The following HS3ST5 variants were observed in gnomAD, a reference collection of about 807,000 sequenced individuals.
HS3ST5 encodes heparan sulfate-glucosamine 3-sulfotransferase 5.
HS3ST5 carries 10 observed loss-of-function variants against 25.4 expected under a neutral mutation model. That is an observed-to-expected ratio of 0.39 (90% CI 0.24 to 0.67). The LOEUF is 0.67. Among genes scored for constraint, HS3ST5 ranks in the 30% least tolerant of loss-of-function variants. HS3ST5 has a pLI of 0.44. For missense variants in HS3ST5, 324 were observed against 420.7 expected, an observed-to-expected ratio of 0.77 and a Z score of 2.01; for synonymous variants, 170 against 162.4, an observed-to-expected ratio of 1.05 and a Z score of -0.36.
chr6:114,249,265 T>C (rs962507260), intron 1 of HS3ST5, among the ~76,000 whole-genome samples: 10 of 152,246 alleles, frequency 6.6e-5, no homozygotes, highest in Non-Finnish European at 7.3e-5. Flanking sequence ...ATTAATCTTT[T>C]AGGCCCTTAC....
intron 1 of HS3ST5, among the ~76,000 whole-genome samples, chr6:114,311,891 A>G (rs1004740681): frequency 6.6e-5 from 10 of 152,182 alleles, no homozygotes; most frequent in Non-Finnish European, 2.9e-5. Context: ...GCATAATTTC[A>G]TAATTTACTA....
intron 1 of HS3ST5, 76 bp downstream of exon 1, chr6:114,342,119 C>T (rs568780155): frequency 6.6e-6 from 1 of 152,444 alleles, no homozygotes; most frequent in African/African-American, 2.4e-5. Context: ...GGCGATTTGC[C>T]CCTTCTCATT....
chr6:114,164,763 C>G (rs1261269003), intron 3 of HS3ST5, among the ~76,000 whole-genome samples: 1 of 152,112 alleles, frequency 6.6e-6, no homozygotes, highest in Non-Finnish European at 1.5e-5. Context: ...AATAAATATA[C>G]TATGTCACAT....
intron 2 of HS3ST5, chr6:114,179,245 C>G (rs1779854808): frequency 6.6e-6 from 1 of 152,188 alleles, no homozygotes. Context: ...AGTAAGCAAG[C>G]AATAATTATT....
At chr6:114,277,235 T>C (rs1354710487) in intron 1 of HS3ST5, among the ~76,000 whole-genome samples, 2 of 151,720 alleles carry the variant, frequency 1.3e-5, no homozygotes, top group Non-Finnish European at 2.9e-5. Flanking sequence ...TAATTCTTGA[T>C]TTAATTCTTG....
At chr6:114,290,166 G>T (rs1008673862) in intron 1 of HS3ST5, among the ~76,000 whole-genome samples, 1 of 152,064 alleles carries the variant, frequency 6.6e-6, no homozygotes, top group African/African-American at 2.4e-5. Context: ...GGTTGTTGTT[G>T]TTTCTATTGT....
chr6:114,323,201 G>A (rs941202712), intron 1 of HS3ST5, among the ~76,000 whole-genome samples: 1 of 152,116 alleles, frequency 6.6e-6, no homozygotes, highest in African/African-American at 2.4e-5. Context: ...AGAATGAAGG[G>A]AGACTCTTTT....
intron 4 of HS3ST5, among the ~76,000 whole-genome samples, chr6:114,061,172 G>A (rs1466380244): frequency 1.3e-5 from 2 of 152,190 alleles, no homozygotes; most frequent in African/African-American, 4.8e-5. Flanking sequence ...TAATGCATTA[G>A]TGATCATTAG....
chr6:114,194,097 T>C (rs1233636786), intron 2 of HS3ST5, among the ~76,000 whole-genome samples: 3 of 151,920 alleles, frequency 2.0e-5, no homozygotes, highest in African/African-American at 4.9e-5. Flanking sequence ...GAGAAGAGAA[T>C]CATATTGAAA....
chr6:114,209,924 T>G (rs1186076217), intron 2 of HS3ST5, among the ~76,000 whole-genome samples: 2 of 152,182 alleles, frequency 1.3e-5, no homozygotes, highest in Admixed American at 1.3e-4. Context: ...TAGCATAAGG[T>G]GAACTTTCAA....
chr6:114,116,915 C>T (rs1163255867), intron 3 of HS3ST5, among the ~76,000 whole-genome samples: 1 of 152,026 alleles, frequency 6.6e-6, no homozygotes, highest in African/African-American at 2.4e-5. Context: ...ATCCATTAGA[C>T]TAACGCTTCT....
chr6:114,197,135 T>C (rs1213615374), intron 2 of HS3ST5, among the ~76,000 whole-genome samples: 1 of 151,552 alleles, frequency 6.6e-6, no homozygotes, highest in Admixed American at 6.6e-5. Flanking sequence ...TTTCTTTTTT[T>C]TTTTTTGTTG....
At chr6:114,061,934 G>A (rs1049032105) in intron 4 of HS3ST5, among the ~76,000 whole-genome samples, 2 of 152,014 alleles carry the variant, frequency 1.3e-5, no homozygotes, top group African/African-American at 2.4e-5. Context: ...GGCAATGAGC[G>A]AAACTCCATC....
intron 1 of HS3ST5, among the ~76,000 whole-genome samples, chr6:114,313,691 G>A (rs1775631363): frequency 6.6e-6 from 1 of 152,158 alleles, no homozygotes; most frequent in Non-Finnish European, 1.5e-5. Context: ...AGAACTTTCT[G>A]GAGAGATGGA....
intron 3 of HS3ST5, among the ~76,000 whole-genome samples, chr6:114,083,280 T>C (rs1774569829): frequency 6.6e-6 from 1 of 152,140 alleles, no homozygotes; most frequent in South Asian, 2.1e-4. Flanking sequence ...TTGGCACTTA[T>C]ATGGAGAAGA....
intron 1 of HS3ST5, among the ~76,000 whole-genome samples, chr6:114,323,780 G>T (rs1582816271): frequency 6.6e-6 from 1 of 152,170 alleles, no homozygotes; most frequent in South Asian, 2.1e-4. Flanking sequence ...AGTTATCCGG[G>T]GTATAAAGCT....
intron 3 of HS3ST5, among the ~76,000 whole-genome samples, chr6:114,166,965 A>G (rs1200704697): frequency 6.6e-6 from 1 of 152,232 alleles, no homozygotes; most frequent in Non-Finnish European, 1.5e-5. Flanking sequence ...CTTTAGTTTA[A>G]AACTATAAGA....
intron 3 of HS3ST5, among the ~76,000 whole-genome samples, chr6:114,112,088 A>G (rs1391842294): frequency 6.6e-6 from 1 of 152,222 alleles, no homozygotes; most frequent in Non-Finnish European, 1.5e-5. Context: ...TCATTTGGCA[A>G]AACCTCAACC....
intron 3 of HS3ST5, among the ~76,000 whole-genome samples, chr6:114,158,965 ATAG>A (rs780140151): frequency 4.6e-5 from 7 of 152,372 alleles, no homozygotes; most frequent in Non-Finnish European, 8.8e-5. Context: ...ATAGAGAAAT[ATAG>A]TAGAAAACCA....
Sources: gnomAD v4.1 joint callset for allele counts (sites outside exome capture counted in the v4.1 genomes callset) on GRCh38, gnomAD v4.1.1 for gene constraint, MANE v1.5 for transcripts, NCBI Gene and HGNC (gene_info 2026-07-23, HGNC 2026-07-21) for gene names.